EFCAB13: variants seen among roughly 807,000 people sequenced by gnomAD.
EFCAB13 encodes the protein EF-hand calcium-binding domain-containing protein 13.
A neutral mutation model predicts 110.2 loss-of-function variants in EFCAB13; 91 were observed. That is an observed-to-expected ratio of 0.83 (90% CI 0.70 to 0.98). The LOEUF (loss-of-function observed/expected upper bound fraction) is 0.98. Among genes scored for constraint, EFCAB13 ranks in the 50% least tolerant of loss-of-function variants. EFCAB13 has a pLI of 0.00. For missense variants in EFCAB13, 968 were observed against 1,119.4 expected (o/e 0.86, Z 1.93); for synonymous variants, 323 against 369.9 (o/e 0.87, Z 1.45).
chr17:47,329,506 C>T (rs1402506639), intron 4 of EFCAB13, among the ~76,000 whole-genome samples: 2 of 152,118 alleles, frequency 1.3e-5, no homozygotes, highest in Non-Finnish European at 2.9e-5. Flanking sequence ...TATATATACA[C>T]ATATATACAT....
chr17:47,438,362 T>C (rs1056803641), intron 24 of EFCAB13, among the ~76,000 whole-genome samples: 1 of 152,214 alleles, frequency 6.6e-6, no homozygotes, highest in African/African-American at 2.4e-5. Context: ...CAGGGAAGTT[T>C]TCCTCGATTA....
At chr17:47,414,950 G>A (rs1253904605) in intron 23 of EFCAB13, 31 bp downstream of exon 23, 3 of 1,425,552 alleles carry the variant, frequency 2.1e-6, no homozygotes, top group East Asian at 2.3e-5. Context: ...CAAGAGAATG[G>A]CTAGAAAATA....
intron 4 of EFCAB13, among the ~76,000 whole-genome samples, chr17:47,329,460 A>G (rs1405519667): frequency 6.6e-6 from 1 of 152,054 alleles, no homozygotes; most frequent in Non-Finnish European, 1.5e-5. Flanking sequence ...AATCTCAGAG[A>G]CTCTTGAAAA....
chr17:47,430,773 T>A (rs930193123), intron 24 of EFCAB13: 2 of 152,126 alleles, frequency 1.3e-5, no homozygotes, highest in African/African-American at 4.8e-5. Flanking sequence ...TTCTTTTTTT[T>A]ACTCTCGATT....
At chr17:47,421,314 C>T (rs1332805888) in intron 23 of EFCAB13, among the ~76,000 whole-genome samples, 1 of 152,050 alleles carries the variant, frequency 6.6e-6, no homozygotes, top group Non-Finnish European at 1.5e-5. Context: ...AAATTCTTAT[C>T]CTGTTGATCT....
Position 47,391,525 on chromosome 17 carries a change from T to A in EFCAB13, c.1671T>A (p.Gly557=), listed in dbSNP as rs749805779. ...EDLNTCLQNF[G]IYLSKPEFKK... ...TAAATACTTGTCTTCAAAATTTTGGTATTTACCTTTCTAAGCCAGAATTTA... is the reference window on the plus strand; with the variant it reads ...TAAATACTTGTCTTCAAAATTTTGGAATTTACCTTTCTAAGCCAGAATTTA... Residue 557 remains glycine, a synonymous_variant, in exon 15 of 25, where the codon GGT becomes GGA. Transcript: ENST00000331493. 1.9e-6 allele frequency: 3 copies of A among 1,593,822 alleles called. No homozygotes were observed. In the African/African-American group the frequency reaches 4.1e-5, roughly 22 times the overall value.
intron 24 of EFCAB13, 196 bp downstream of exon 24, chr17:47,430,157 C>T: frequency 8.3e-7 from 1 of 1,203,624 alleles, no homozygotes; most frequent in Non-Finnish European, 1.0e-6. Context: ...AGTCAGAGCT[C>T]ATCTTATCCC....
intron 8 of EFCAB13, 64 bp from the exon 9 acceptor site, chr17:47,347,744 G>A (rs2065425641): frequency 2.4e-6 from 3 of 1,224,928 alleles, no homozygotes; most frequent in Non-Finnish European, 3.2e-6. Flanking sequence ...TTTTGAGAGT[G>A]GGGGGAATAA....
At chr17:47,421,357 A>T (rs190632473) in intron 23 of EFCAB13, among the ~76,000 whole-genome samples, 52 of 152,040 alleles carry the variant, frequency 3.4e-4, no homozygotes, top group African/African-American at 1.2e-3. Flanking sequence ...GCTCTCTGAA[A>T]CATGTGTACT....
chr17:47,331,753 G>A (rs2065320797), intron 4 of EFCAB13, among the ~76,000 whole-genome samples: 1 of 151,952 alleles, frequency 6.6e-6, no homozygotes, highest in African/African-American at 2.4e-5. Flanking sequence ...CCCATCCCCT[G>A]GCAAACACTG....
intron 5 of EFCAB13, among the ~76,000 whole-genome samples, chr17:47,340,766 A>ATTTTTTTTTTTTTTT (rs58304526): frequency 1.9e-5 from 1 of 53,992 alleles, no homozygotes; most frequent in Non-Finnish European, 3.3e-5. Flanking sequence ...CACCTGGCTA[A>ATTTTTTTTTTTTTTT]TTTTTTTTTT....
intron 22 of EFCAB13, among the ~76,000 whole-genome samples, chr17:47,413,730 G>A (rs1365291228): frequency 6.6e-6 from 1 of 150,590 alleles, no homozygotes; most frequent in Non-Finnish European, 1.5e-5. Context: ...TCTCACAAGA[G>A]ATTTTTTTTT....
intron 14 of EFCAB13, among the ~76,000 whole-genome samples, chr17:47,386,834 T>TA (rs200412621): frequency 0.032 from 4,851 of 152,208 alleles, 105 homozygotes; most frequent in Non-Finnish European, 0.05. Flanking sequence ...CTGGCCCAGA[T>TA]AGCACAGTCT....
intron 24 of EFCAB13, among the ~76,000 whole-genome samples, chr17:47,439,402 C>G (rs1345146208): frequency 6.6e-6 from 1 of 151,938 alleles, no homozygotes; most frequent in Non-Finnish European, 1.5e-5. Context: ...GTTTGGAACT[C>G]CTGACCTTAA....
At chr17:47,327,856 C>G (rs1470708270) in intron 3 of EFCAB13, among the ~76,000 whole-genome samples, 2 of 152,208 alleles carry the variant, frequency 1.3e-5, no homozygotes, top group Admixed American at 1.3e-4. Context: ...CAAATTCTGT[C>G]TCTACTATTT....
At chr17:47,420,360 A>G (rs376929424) in intron 23 of EFCAB13, among the ~76,000 whole-genome samples, 15 of 152,192 alleles carry the variant, frequency 9.9e-5, no homozygotes, top group South Asian at 6.2e-4. Context: ...GCCTCTGCCC[A>G]GCCGCCACCC....
Position 47,403,047 on chromosome 17 carries a change from G to A in EFCAB13, c.2018-831G>A. ...AGGCAAGAAAGCAGAGCTGATACAG[G>A]TTTTCTGGGTGTCAGCAAAGCTCAG... On this transcript the variant is annotated intron_variant, in intron 18 of 24. Transcript: ENST00000331493. Among the ~76,000 whole-genome samples, 2 of 152,160 alleles carry A rather than the reference G, an allele frequency of 1.3e-5. 1 individual carries two copies. The highest frequency in any genetic ancestry group is 3.8e-4 in the East Asian group (2 of 5,198).
chr17:47,386,099 T>C (rs966811796), intron 14 of EFCAB13, among the ~76,000 whole-genome samples: 12 of 152,198 alleles, frequency 7.9e-5, no homozygotes, highest in Admixed American at 2.0e-4. Context: ...TCAGGAGGTA[T>C]GGAGGTCAGG....
intron 24 of EFCAB13, among the ~76,000 whole-genome samples, chr17:47,437,761 G>C (rs1905239879): frequency 1.3e-5 from 2 of 152,246 alleles, no homozygotes; most frequent in South Asian, 4.1e-4. Context: ...TTGACATTCA[G>C]TGTTAGTATT....
Sources: gnomAD v4.1 joint callset for allele counts (sites outside exome capture counted in the v4.1 genomes callset) on GRCh38, gnomAD v4.1.1 for gene constraint, MANE v1.5 for transcripts, NCBI Gene and HGNC (gene_info 2026-07-23, HGNC 2026-07-21) for gene names.